Variants in SHISAL1 observed in about 807,000 individuals in gnomAD.
SHISAL1 encodes shisa like 1.
A neutral mutation model predicts 22.6 loss-of-function variants in SHISAL1; 9 were observed. That is an observed-to-expected ratio of 0.40 (90% CI 0.24 to 0.70). The LOEUF (loss-of-function observed/expected upper bound fraction) is 0.70, where lower values mean the gene tolerates loss of function less well. Ranked by LOEUF, SHISAL1 falls within the 30% of genes least tolerant of loss-of-function variation. SHISAL1 has a pLI of 0.39. For synonymous variants in SHISAL1, 119 were observed against 115.4 expected (o/e 1.03, Z -0.20); for missense variants, 246 against 270.6 (o/e 0.91, Z 0.64).
chr22:44,277,727 C>T (rs2055249614), intron 4 of SHISAL1, among the ~76,000 whole-genome samples: 2 of 152,354 alleles, frequency 1.3e-5, no homozygotes, highest in South Asian at 2.1e-4. Context: ...TAGGAACCCC[C>T]ATGGCCTGAG....
the SHISAL1 span, among the ~76,000 whole-genome samples, chr22:44,323,028 A>ACCATCCATCCATCCATCCAT: frequency 1.4e-4 from 18 of 126,748 alleles, no homozygotes; most frequent in African/African-American, 5.5e-4. Context: ...GCATCCATCC[A>ACCATCCATCCATCCATCCAT]CCATCCATCC....
At chr22:44,290,532 A>AAAAAAAC (rs1555928952) in intron 3 of SHISAL1, among the ~76,000 whole-genome samples, 13 of 150,818 alleles carry the variant, frequency 8.6e-5, no homozygotes, top group African/African-American at 2.9e-4. Flanking sequence ...TCAGTCTCAA[A>AAAAAAAC]AAAAAAAAAA....
intron 4 of SHISAL1, among the ~76,000 whole-genome samples, chr22:44,255,156 CA>C (rs1403349590): frequency 2.0e-5 from 3 of 152,016 alleles, no homozygotes; most frequent in Non-Finnish European, 2.9e-5. Context: ...TCTCTCCTTC[CA>C]AGAATCTAAA....
At position 44,299,859 on chromosome 22, in the gene SHISAL1, C is replaced by T. The variant is rs62226817; in HGVS notation, c.67+1020G>A. 9.4e-4 allele frequency among the ~76,000 whole-genome samples: 142 copies of T among 150,844 alleles called. 2 individuals are homozygous for T. The East Asian group carries it at 0.026, about 27-fold the overall frequency. On this transcript the variant is annotated intron_variant, in intron 2 of 4. Transcript: ENST00000381176. Reference sequence around the variant, plus strand: ...AGAGAGATAGACAGAGACAGAGAGACAGAGACAGACACAGAGACACAGAAA... The same window carrying T: ...AGAGAGATAGACAGAGACAGAGAGATAGAGACAGACACAGAGACACAGAAA...
At chr22:44,315,844 G>T (rs772358824), upstream of SHISAL1, among the ~76,000 whole-genome samples, 9 of 152,136 alleles carry the variant, frequency 5.9e-5, no homozygotes, top group Non-Finnish European at 1.2e-4. Context: ...GGGAGTTGCT[G>T]CCTCCTTCAT....
At chr22:44,303,353 T>G (rs1244371247) in intron 1 of SHISAL1, among the ~76,000 whole-genome samples, 1 of 152,080 alleles carries the variant, frequency 6.6e-6, no homozygotes, top group Admixed American at 6.5e-5. Context: ...AGGTCATTAG[T>G]TAAGATGAGG....
chr22:44,256,047 C>G (rs1217646739), intron 4 of SHISAL1, among the ~76,000 whole-genome samples: 2 of 152,236 alleles, frequency 1.3e-5, no homozygotes, highest in Non-Finnish European at 2.9e-5. Flanking sequence ...TTCATGCTAT[C>G]TCTGCCTGCC....
rs961933537 is a variant in SHISAL1 at position 44,246,811 on chromosome 22, T to C, written c.*2874A>G. 1 of 152,466 alleles carries C rather than the reference T, an allele frequency of 6.6e-6. No individual in the cohort carries two copies. The highest frequency in any genetic ancestry group is 2.4e-5 in the African/African-American group (1 of 41,442). 9.4% of individuals were successfully genotyped at this position (152,466 alleles called of 1,614,324 possible). Reference sequence around the variant, plus strand: ...CAGAGGCTCTGAGAGGTTAAGTGGCTCGTGGGGGTGACCTGCAGGAAGGAG... The same window carrying C: ...CAGAGGCTCTGAGAGGTTAAGTGGCCCGTGGGGGTGACCTGCAGGAAGGAG... On this transcript the variant is annotated 3_prime_UTR_variant, in exon 5 of 5. Transcript: ENST00000381176.
At position 44,249,425 on chromosome 22, in the gene SHISAL1, C is replaced by T. The variant is rs2055030427; in HGVS notation, c.*260G>A. The T allele has an allele frequency of 4.6e-6, 2 of 432,992 alleles. No homozygotes were observed. The highest frequency in any genetic ancestry group is 8.3e-6 in the Non-Finnish European group (2 of 239,894). The allele number at this position is 432,992 out of a possible 1,614,324, so 26.8% of individuals were successfully genotyped here. ...CCACAATGAGTCACCTCTCAGAAGC[C>T]ACCAGCCCAAAATAGGACTATTGCT... On this transcript the variant is annotated 3_prime_UTR_variant, in exon 5 of 5. Coordinates refer to ENST00000381176, the MANE Select transcript of SHISAL1 (RefSeq NM_001099294.2).
rs1481805674 is a variant in SHISAL1, at chr22:44,244,900, T to C, written c.*4785A>G. On this transcript the variant is annotated 3_prime_UTR_variant, in exon 5 of 5. Transcript: ENST00000381176. The stretch of plus-strand genomic sequence containing the variant: ...TCGGGCCACAACCACCAAAGTTGTT[T>C]GCGTGCATTTAAGCACCAGCGTGGG... 1 of 152,270 alleles carries C rather than the reference T, an allele frequency of 6.6e-6. No individual in the cohort carries two copies. Among genetic ancestry groups the C allele is most frequent in the East Asian group, 1.9e-4 (1 of 5,192 alleles). The allele number at this position is 152,270 out of a possible 1,614,324, so 9.4% of individuals were successfully genotyped here.
At chr22:44,324,513 A>G in the SHISAL1 span, among the ~76,000 whole-genome samples, 1 of 152,392 alleles carries the variant, frequency 6.6e-6, no homozygotes, top group South Asian at 2.1e-4. Context: ...TGTTAACAGT[A>G]TCAAAGTGAG....
intron 3 of SHISAL1, among the ~76,000 whole-genome samples, chr22:44,291,174 G>T (rs191840420): frequency 6.6e-6 from 1 of 152,180 alleles, no homozygotes; most frequent in Non-Finnish European, 1.5e-5. Context: ...TCCTTCTACA[G>T]CAGGGCCATC....
chr22:44,289,633 CCCTT>C (rs2055339712), intron 3 of SHISAL1, among the ~76,000 whole-genome samples: 1 of 152,228 alleles, frequency 6.6e-6, no homozygotes, highest in African/African-American at 2.4e-5. Flanking sequence ...TGCTGATTCG[CCCTT>C]CCTTGTGAGG....
At chr22:44,261,534 C>A (rs892669238) in intron 4 of SHISAL1, among the ~76,000 whole-genome samples, 2 of 152,156 alleles carry the variant, frequency 1.3e-5, no homozygotes, top group African/African-American at 4.8e-5. Flanking sequence ...GCTGTGTGAC[C>A]CTGGGTGAGT....
At chr22:44,260,714 C>T (rs2055116137) in intron 4 of SHISAL1, among the ~76,000 whole-genome samples, 1 of 152,226 alleles carries the variant, frequency 6.6e-6, no homozygotes, top group South Asian at 2.1e-4. Context: ...GGTGGCCCTT[C>T]AGGGATAAGG....
At chr22:44,285,782 G>A (rs1461087841) in intron 3 of SHISAL1, 37 bp from the exon 4 acceptor site, 1 of 1,544,152 alleles carries the variant, frequency 6.5e-7, no homozygotes, top group Non-Finnish European at 8.9e-7. Context: ...CAAGCAGAGG[G>A]GAGCAGTCCA....
rs543614699 is a variant in SHISAL1, at chr22:44,292,502, T to A, written c.281+4170A>T. ...CTTCCCCAGCCTGGGGCCCAGCCCC[T>A]CCTTCCTCCCATGGTGAGGATTAAT... On this transcript the variant is annotated intron_variant, in intron 3 of 4. Coordinates refer to ENST00000381176, the MANE Select transcript of SHISAL1 (RefSeq NM_001099294.2). Among the ~76,000 whole-genome samples, 652 of 152,254 alleles carry A rather than the reference T, an allele frequency of 4.3e-3. 4 individuals carry two copies. Among genetic ancestry groups the A allele is most frequent in the Non-Finnish European group, 7.3e-3 (493 of 67,996 alleles).
In SHISAL1 at chr22:44,249,498, C is replaced by A; in HGVS notation, c.*187G>T. The A allele has an allele frequency of 2.9e-4, 130 of 446,776 alleles. No individual in the cohort carries two copies. The highest frequency in any genetic ancestry group is 1.2e-3 in the Middle Eastern group (2 of 1,662). 27.7% of individuals were successfully genotyped at this position (446,776 alleles called of 1,614,324 possible). A position where few individuals can be genotyped will look rare whatever the true frequency, so the allele number is the denominator to read the frequency against. ...CCCTCCCCTGCACCCCCAGCCCCTA[C>A]CCCTGAGTTTGCTCCTAATCTTAGA... On this transcript the variant is annotated 3_prime_UTR_variant, in exon 5 of 5. Transcript: ENST00000381176.
At chr22:44,291,593 G>A (rs1330964415) in intron 3 of SHISAL1, among the ~76,000 whole-genome samples, 1 of 152,032 alleles carries the variant, frequency 6.6e-6, no homozygotes, top group African/African-American at 2.4e-5. Flanking sequence ...GGTTTCACGC[G>A]TGGCCAAGGG....
Sources: allele counts gnomAD v4.1 joint callset (sites outside exome capture counted in the v4.1 genomes callset), GRCh38; gene constraint gnomAD v4.1.1; transcripts MANE v1.5; gene names NCBI Gene and HGNC (gene_info 2026-07-23, HGNC 2026-07-21).